KRT12: variants seen among roughly 807,000 people sequenced by gnomAD.
KRT12 encodes keratin, type I cytoskeletal 12.
KRT12 carries 43 observed loss-of-function variants against 50.2 expected under a neutral mutation model. The ratio of observed to expected loss-of-function variants is 0.86; its 90% confidence interval spans 0.67 to 1.11. KRT12 has a LOEUF of 1.11. KRT12 is among the 50% of genes least tolerant of loss of function. The pLI, the probability that KRT12 is intolerant of heterozygous loss-of-function variation, is 0.00. For missense variants in KRT12, 588 were observed against 625.6 expected (o/e 0.94, Z 0.64); for synonymous variants, 257 against 253.6 (o/e 1.01, Z -0.13).
chr17:40,862,726 G>A (rs2143254999), intron 6 of KRT12, 91 bp from the exon 7 acceptor site: 1 of 939,840 alleles, frequency 1.1e-6, no homozygotes, highest in South Asian at 1.3e-5. Context: ...TTCCCAATTT[G>A]TAGGCCTGAG....
intron 2 of KRT12, 142 bp downstream of exon 2, chr17:40,866,013 C>T: frequency 1.4e-6 from 1 of 703,018 alleles, no homozygotes. Context: ...TAATTACTTT[C>T]TAGAACACCC....
intron 2 of KRT12, among the ~76,000 whole-genome samples, chr17:40,865,679 T>A (rs1423735827): frequency 6.6e-6 from 1 of 151,966 alleles, no homozygotes; most frequent in Admixed American, 6.6e-5. Context: ...AATACAATAA[T>A]TAGCTGGGCA....
At chr17:40,862,292 C>T (rs557092571) in intron 7 of KRT12, among the ~76,000 whole-genome samples, 44 of 152,042 alleles carry the variant, frequency 2.9e-4, no homozygotes, top group Admixed American at 1.1e-3. Flanking sequence ...AGGTGGGTCA[C>T]GAACTCCTGG....
At chr17:40,866,499 A>G in intron 1 of KRT12, 121 bp downstream of exon 1, 3 of 885,056 alleles carry the variant, frequency 3.4e-6, no homozygotes, top group Non-Finnish European at 5.4e-6. Flanking sequence ...GGGATGAGAA[A>G]ATTGCTGCAA....
At position 40,866,783 on chromosome 17, in the gene KRT12, C is replaced by T; in HGVS notation, c.404G>A (p.Arg135Lys). The T allele has an allele frequency of 6.2e-7, 1 of 1,614,196 alleles. No homozygotes were observed. The highest frequency in any genetic ancestry group is 8.5e-7 in the Non-Finnish European group (1 of 1,180,048). ...CACCTTATCCAGGTAGGAAGCTAATCTATCATTAAGATTTTGCATAGTTTC... is the reference window on the plus strand; with the variant it reads ...CACCTTATCCAGGTAGGAAGCTAATTTATCATTAAGATTTTGCATAGTTTC... ...EKETMQNLND[R>K]LASYLDKVRA... is the part of the protein sequence containing the mutation. The change falls in exon 1 of 8, where the codon AGA becomes AAA. Residue 135 changes from arginine to lysine, a missense_variant. Coordinates refer to ENST00000251643, the MANE Select transcript of KRT12 (RefSeq NM_000223.4).
At position 40,866,987 on chromosome 17, in the gene KRT12, G is replaced by A; in HGVS notation, c.200C>T (p.Ser67Phe). 6.3e-7 allele frequency: 1 copy of A among 1,597,754 alleles called. No individual in the cohort carries two copies. The highest frequency in any genetic ancestry group is 8.5e-7 in the Non-Finnish European group (1 of 1,172,572). The change falls in exon 1 of 8, where the codon TCC (serine) becomes TTC (phenylalanine). Residue 67 changes from serine (S) to phenylalanine (F), a missense_variant. Ser to Phe is a radical substitution (Grantham distance 155, BLOSUM62 -2). Coordinates refer to ENST00000251643, the MANE Select transcript of KRT12 (RefSeq NM_000223.4). Reference sequence around the variant, plus strand: ...ACTTCCGGAGCCACCCCCAAAGCCGGAACTAGAACCAAACATGGAAGCAGC... The same window carrying A: ...ACTTCCGGAGCCACCCCCAAAGCCGAAACTAGAACCAAACATGGAAGCAGC... ...FSAASMFGSSSGFGGGSGSSM... is the reference protein window; with the variant it reads ...FSAASMFGSSFGFGGGSGSSM...
At chr17:40,862,712 A>T (rs1906848044) in intron 6 of KRT12, 77 bp from the exon 7 acceptor site, 1 of 1,054,332 alleles carries the variant, frequency 9.5e-7, no homozygotes, top group Non-Finnish European at 1.5e-6. Flanking sequence ...CTGAGAAATT[A>T]GATTTCCCAA....
In KRT12 at chr17:40,862,577, C is replaced by A; in HGVS notation, c.1375G>T (p.Asp459Tyr). The change falls in exon 7 of 8, where the codon GAT becomes TAT. Residue 459 changes from aspartate to tyrosine, a missense_variant. By Grantham distance (160) the Asp-to-Tyr change is radical (BLOSUM62 -3). Coordinates refer to ENST00000251643, the MANE Select transcript of KRT12 (RefSeq NM_000223.4). The stretch of plus-strand genomic sequence containing the variant: ...GGTTTCTGCATACCTTTAGAGGAAT[C>A]AGTTGACTGTGCTTGTGATTTGGAG... Reference protein sequence around the residue: ...TDSKSQAQSTDSSKDPTKTRK... With the variant: ...TDSKSQAQSTYSSKDPTKTRK... The A allele has an allele frequency of 6.2e-7, 1 of 1,611,906 alleles. No individual in the cohort carries two copies. The highest frequency in any genetic ancestry group is 1.1e-5 in the South Asian group (1 of 91,006).
intron 6 of KRT12, 59 bp from the exon 7 acceptor site, chr17:40,862,694 G>A: frequency 8.4e-7 from 1 of 1,188,158 alleles, no homozygotes; most frequent in Non-Finnish European, 1.3e-6. Context: ...TTTAATGGAA[G>A]ATCTGGTCTG....
intron 7 of KRT12, 143 bp downstream of exon 7, chr17:40,862,422 A>G (rs1392988313): frequency 1.5e-6 from 1 of 680,812 alleles, no homozygotes. Context: ...GCAGGAATGC[A>G]TAAATGTTTT....
Position 40,861,323 on chromosome 17 carries a change from C to T in KRT12, c.*338G>A, listed in dbSNP as rs903002108. On this transcript the variant is annotated 3_prime_UTR_variant, in exon 8 of 8. Coordinates refer to ENST00000251643, the MANE Select transcript of KRT12 (RefSeq NM_000223.4). ...CATTATTACCATTCATCTTTTATTA[C>T]AATTAACTCTATTAAAACAATACTA... 3 of 290,846 alleles carry T rather than the reference C, an allele frequency of 1.0e-5. No homozygotes were observed. The highest frequency in any genetic ancestry group is 2.0e-5 in the Non-Finnish European group (3 of 153,762). 18.0% of individuals were successfully genotyped at this position (290,846 alleles called of 1,614,324 possible).
chr17:40,867,112 A>G lies in KRT12; in HGVS notation c.75T>C (p.Ser25=). The change falls in exon 1 of 8, where the codon AGT becomes AGC. Residue 25 remains serine, a synonymous_variant. Transcript: ENST00000251643. The part of the protein sequence containing the change: ...PGLSRRLSSQ[S]VIGRPRGMSA... ...ACATGCCCCTGGGTCTGCCTATCAC[A>G]CTCTGCGAGGAGAGCCGCCGGGACA... is the stretch of plus-strand genomic sequence containing the variant. 1.9e-6 allele frequency: 3 copies of G among 1,613,498 alleles called. No homozygotes were observed. Among genetic ancestry groups the G allele is most frequent in the Non-Finnish European group, 2.5e-6 (3 of 1,179,980 alleles).
Sources: allele counts gnomAD v4.1 joint callset (sites outside exome capture counted in the v4.1 genomes callset), GRCh38; gene constraint gnomAD v4.1.1; transcripts MANE v1.5; gene names NCBI Gene and HGNC (gene_info 2026-07-23, HGNC 2026-07-21).